C7: variants seen among roughly 807,000 people sequenced by gnomAD.
C7 encodes the protein complement C7, also known as complement component C7.
C7 carries 83 observed loss-of-function variants against 104.8 expected under a neutral mutation model. The ratio of observed to expected loss-of-function variants is 0.79; its 90% CI spans 0.66 to 0.95. The LOEUF (loss-of-function observed/expected upper bound fraction) is 0.95. Ranked by LOEUF, C7 falls within the 40% of genes least tolerant of loss-of-function variation. C7 has a pLI of 0.00. For missense variants in C7, 1,070 were observed against 1,011.2 expected (o/e 1.06, Z -0.79); for synonymous variants, 415 against 360.6 (o/e 1.15, Z -1.71).
At chr5:40,974,612 G>T (rs1444040101) in intron 15 of C7, among the ~76,000 whole-genome samples, 3 of 151,920 alleles carry the variant, frequency 2.0e-5, no homozygotes, top group Non-Finnish European at 2.9e-5. Flanking sequence ...CAGAGACGGG[G>T]TTTCACCATG....
At chr5:40,930,562 T>C (rs1024631051) in intron 2 of C7, among the ~76,000 whole-genome samples, 1 of 151,120 alleles carries the variant, frequency 6.6e-6, no homozygotes, top group South Asian at 2.1e-4. Flanking sequence ...ACCTGGTACA[T>C]AATAGATTTT....
chr5:40,929,951 C>T (rs1047098171), intron 2 of C7, among the ~76,000 whole-genome samples: 1 of 152,068 alleles, frequency 6.6e-6, no homozygotes, highest in African/African-American at 2.4e-5. Context: ...TTCTGGATAA[C>T]TTTTCAACTC....
intron 2 of C7, 92 bp downstream of exon 2, chr5:40,928,727 C>T: frequency 5.9e-6 from 4 of 673,354 alleles, no homozygotes; most frequent in Non-Finnish European, 7.7e-6. Flanking sequence ...CACTTTGAAT[C>T]TGTGTATCCC....
chr5:40,917,888 A>G (rs567349391), intron 1 of C7, among the ~76,000 whole-genome samples: 1 of 152,316 alleles, frequency 6.6e-6, no homozygotes, highest in South Asian at 2.1e-4. Flanking sequence ...ATAACTTTTC[A>G]AAGGATACAC....
At chr5:40,962,775 G>A (rs568932975) in intron 13 of C7, among the ~76,000 whole-genome samples, 135 of 152,302 alleles carry the variant, frequency 8.9e-4, no homozygotes, top group Non-Finnish European at 1.5e-3. Flanking sequence ...GCTTTGGCCT[G>A]AAGCCCCAGT....
At chr5:40,962,058 CATTA>C (rs1740432009) in intron 12 of C7, 23 bp from the exon 13 acceptor site, 1 of 1,304,978 alleles carries the variant, frequency 7.7e-7, no homozygotes, top group Admixed American at 2.3e-5. Context: ...AAATCAATCA[CATTA>C]ATTACATTTT....
In C7 at chr5:40,972,421, C is replaced by T. The variant is rs1316080451; in HGVS notation, c.1901C>T (p.Pro634Leu). ...MHCQKIACVL[P>L]VLMDGIQSHP... is the part of the protein sequence containing the mutation. ...TCTTTAGAAATTGCCTGTGTTCTAC[C>T]TGTACTGATGGATGGCATACAGAGT... Residue 634 changes from proline to leucine, a missense_variant, in exon 15 of 18, where the codon CCT becomes CTT. Pro to Leu is a moderately conservative substitution (Grantham distance 98, BLOSUM62 -3). Transcript: ENST00000313164. 4.3e-6 allele frequency: 7 copies of T among 1,613,674 alleles called. No homozygotes were observed. The highest frequency in any genetic ancestry group is 5.9e-6 in the Non-Finnish European group (7 of 1,179,748).
intron 12 of C7, 101 bp downstream of exon 12, chr5:40,959,721 A>G (rs1469559299): frequency 1.1e-6 from 1 of 949,784 alleles, no homozygotes; most frequent in Non-Finnish European, 1.5e-6. Context: ...TAGAAGTTAA[A>G]TGGCTATTTT....
intron 14 of C7, among the ~76,000 whole-genome samples, chr5:40,967,927 A>G (rs1355029625): frequency 6.6e-6 from 1 of 152,008 alleles, no homozygotes; most frequent in African/African-American, 2.4e-5. Flanking sequence ...CTGGGCTTTT[A>G]TTGAACCTGT....
intron 4 of C7, among the ~76,000 whole-genome samples, chr5:40,934,667 T>C (rs890597866): frequency 1.3e-5 from 2 of 152,168 alleles, no homozygotes; most frequent in African/African-American, 4.8e-5. Context: ...ATGCATCTGG[T>C]AATAAACATA....
At chr5:40,962,575 G>C (rs1740446727) in intron 13 of C7, among the ~76,000 whole-genome samples, 1 of 152,114 alleles carries the variant, frequency 6.6e-6, no homozygotes, top group Non-Finnish European at 1.5e-5. Flanking sequence ...TGAAGTATTA[G>C]GTTTATTCCA....
rs994681809 is a variant in C7 at position 40,935,609 on chromosome 5, A to G, written c.281-729A>G. Among the ~76,000 whole-genome samples the G allele has an allele frequency of 2.0e-5, 3 of 152,146 alleles. No individual in the cohort carries two copies. The East Asian group carries it at 5.8e-4, about 29-fold the overall frequency. Reference sequence around the variant, plus strand: ...GAGAGAACTAACCAAGCGCAAGATCATTGGAGATGACAGAAAGCTTGGCCT... The same window carrying G: ...GAGAGAACTAACCAAGCGCAAGATCGTTGGAGATGACAGAAAGCTTGGCCT... On this transcript the variant is annotated intron_variant, in intron 4 of 17. Transcript: ENST00000313164.
intron 1 of C7, among the ~76,000 whole-genome samples, chr5:40,920,749 T>A (rs1483258047): frequency 6.6e-6 from 1 of 152,262 alleles, no homozygotes; most frequent in East Asian, 1.9e-4. Flanking sequence ...CATGAACTTA[T>A]ATTTAGAAAA....
intron 14 of C7, among the ~76,000 whole-genome samples, chr5:40,970,585 GTTTTTAATTTTT>G (rs1388438823): frequency 6.6e-6 from 1 of 151,980 alleles, no homozygotes; most frequent in African/African-American, 2.4e-5. Flanking sequence ...GAGCCTAGGA[GTTTTTAATTTTT>G]TTTTTAATTT....
intron 14 of C7, among the ~76,000 whole-genome samples, chr5:40,966,645 G>C (rs1014812987): frequency 6.6e-6 from 1 of 152,078 alleles, no homozygotes; most frequent in Admixed American, 6.6e-5. Context: ...CCAAAGTGCT[G>C]GGATTACAGG....
intron 10 of C7, among the ~76,000 whole-genome samples, chr5:40,956,272 G>GT: frequency 6.6e-6 from 1 of 152,190 alleles, no homozygotes; most frequent in Non-Finnish European, 1.5e-5. Flanking sequence ...AGCTTTCTGG[G>GT]TTTTGGAAGG....
intron 14 of C7, among the ~76,000 whole-genome samples, chr5:40,966,072 T>C (rs1740544851): frequency 6.6e-6 from 1 of 152,100 alleles, no homozygotes; most frequent in South Asian, 2.1e-4. Context: ...GGTTTGTCTG[T>C]CTTTTTCTTA....
intron 1 of C7, among the ~76,000 whole-genome samples, chr5:40,923,667 A>G (rs1436066709): frequency 6.6e-6 from 1 of 151,858 alleles, no homozygotes; most frequent in Non-Finnish European, 1.5e-5. Flanking sequence ...AATCACTTGA[A>G]CCCAGGGGGT....
At chr5:40,945,875 C>CATATATATAT (rs58480949) in intron 7 of C7, among the ~76,000 whole-genome samples, 156 of 127,282 alleles carry the variant, frequency 1.2e-3, no homozygotes, top group East Asian at 3.0e-3. Flanking sequence ...AAAAAAAATA[C>CATATATATAT]ATATATATAT....
Sources: allele counts gnomAD v4.1 joint callset (sites outside exome capture counted in the v4.1 genomes callset), GRCh38; gene constraint gnomAD v4.1.1; transcripts MANE v1.5; gene names NCBI Gene and HGNC (gene_info 2026-07-23, HGNC 2026-07-21).